Variants in DEFB107B observed in about 807,000 individuals in gnomAD.
The protein encoded by DEFB107B is defensin beta 107B.
At chr8:7,497,388 A>G (rs1234552217) in intron 1 of DEFB107B, among the ~76,000 whole-genome samples, 2 of 152,216 alleles carry the variant, frequency 1.3e-5, no homozygotes, top group Admixed American at 1.3e-4. Context: ...CACAAGTGCC[A>G]TAAAAGATGC....
chr8:7,497,920 G>A lies in DEFB107B; in HGVS notation c.70+1917G>A, dbSNP rs1259560332. 1.8e-4 allele frequency among the ~76,000 whole-genome samples: 4 copies of A among 22,550 alleles called. 2 individuals are homozygous for A. The highest frequency in any genetic ancestry group is 3.2e-4 in the African/African-American group (4 of 12,580). The allele number at this position is 22,550 out of a possible 152,430, so 14.8% of individuals were successfully genotyped here. A position where few individuals can be genotyped will look rare whatever the true frequency, so the allele number is the denominator to read the frequency against. ...ACCCACCTGTGGGTGTTTCTCGTAA[G>A]GTGGGACGAGAGATTTGGAAAAGAA... On this transcript the variant is annotated intron_variant, in intron 1 of 1. Coordinates refer to ENST00000355602, the MANE Select transcript of DEFB107B (RefSeq NM_001040705.2).
chr8:7,495,912 T>G lies in DEFB107B; in HGVS notation c.-22T>G, dbSNP rs1417739415. On this transcript the variant is annotated 5_prime_UTR_variant, in exon 1 of 2. Transcript: ENST00000355602. ...AAGAGCTTGATTCCAGCTACTGCACTTCCTTCATCAGCTCTCCACTGATGC... is the reference window on the plus strand; with the variant it reads ...AAGAGCTTGATTCCAGCTACTGCACGTCCTTCATCAGCTCTCCACTGATGC... The G allele has an allele frequency of 8.4e-6, 1 of 119,456 alleles. No individual in the cohort carries two copies. The highest frequency in any genetic ancestry group is 1.9e-4 in the Admixed American group (1 of 5,348). The allele number at this position is 119,456 out of a possible 1,614,324, so 7.4% of individuals were successfully genotyped here.
rs1418320483 is a variant in DEFB107B, at chr8:7,498,111, G to C, written c.70+2108G>C. Among the ~76,000 whole-genome samples the C allele has an allele frequency of 3.3e-4, 6 of 17,998 alleles. 3 individuals are homozygous for C. The East Asian group carries it at 0.023, about 68-fold the overall frequency. 11.8% of individuals were successfully genotyped at this position (17,998 alleles called of 152,430 possible). On this transcript the variant is annotated intron_variant, in intron 1 of 1. Transcript: ENST00000355602. ...GTCAGGGTCACAAGACAATTGTGGGGAGAGGGTCAGCAGACAAACACGTGA... is the reference window on the plus strand; with the variant it reads ...GTCAGGGTCACAAGACAATTGTGGGCAGAGGGTCAGCAGACAAACACGTGA...
At chr8:7,507,866 C>T (rs1811977049) in intron 1 of DEFB107B, among the ~76,000 whole-genome samples, 1 of 146,196 alleles carries the variant, frequency 6.8e-6, no homozygotes, top group Non-Finnish European at 1.5e-5. Context: ...ATGTGTCCAG[C>T]TAAACCCAGA....
chr8:7,504,627 TC>T (rs1811923017), intron 1 of DEFB107B, among the ~76,000 whole-genome samples: 1 of 976 alleles, frequency 1.0e-3, no homozygotes, highest in African/African-American at 1.4e-3. Context: ...TAACTTGTCC[TC>T]CTAAAACAAC....
intron 1 of DEFB107B, among the ~76,000 whole-genome samples, chr8:7,507,900 G>A (rs1171481512): frequency 6.8e-6 from 1 of 146,668 alleles, no homozygotes; most frequent in Non-Finnish European, 1.5e-5. Flanking sequence ...AAAGTCTGAA[G>A]GTAAAACTGA....
chr8:7,503,705 C>T (rs1317618756), intron 1 of DEFB107B, among the ~76,000 whole-genome samples: 1 of 22,620 alleles, frequency 4.4e-5, no homozygotes, highest in African/African-American at 7.8e-5. Flanking sequence ...GTAAAATCTC[C>T]ATACTTTGAT....
rs1482859715 is a variant in DEFB107B, at chr8:7,509,202, C to CA, written c.197dup (p.Asn66LysfsTer18). On this transcript the variant is annotated frameshift_variant, in exon 2 of 2. Transcript: ENST00000355602. LOFTEE classifies it high-confidence loss of function. Reference sequence around the variant, plus strand: ...GAGCTGAATTAGCACCATTTTGCTGCAAAAACAGAAAGAAACATTAAAAAC... The same window carrying CA: ...GAGCTGAATTAGCACCATTTTGCTGCAAAAAACAGAAAGAAACATTAAAAAC... 1 of 409,434 alleles carries CA rather than the reference C, an allele frequency of 2.4e-6. No homozygotes were observed. Among genetic ancestry groups the CA allele is most frequent in the African/African-American group, 6.9e-5 (1 of 14,556 alleles). The allele number at this position is 409,434 out of a possible 1,614,324, so 25.4% of individuals were successfully genotyped here.
chr8:7,508,081 ATATG>A (rs1387859922), intron 1 of DEFB107B, among the ~76,000 whole-genome samples: 2 of 43,006 alleles, frequency 4.7e-5, no homozygotes, highest in South Asian at 8.8e-4. Context: ...ATATATATAT[ATATG>A]TGTGTGTGTG....
intron 1 of DEFB107B, among the ~76,000 whole-genome samples, chr8:7,507,846 C>A (rs1489411716): frequency 2.8e-5 from 4 of 145,432 alleles, no homozygotes. Context: ...ATGTGATTAG[C>A]TAAGTATTCA....
At chr8:7,497,251 C>A (rs1181882052) in intron 1 of DEFB107B, among the ~76,000 whole-genome samples, 36 of 151,874 alleles carry the variant, frequency 2.4e-4, no homozygotes, top group African/African-American at 8.5e-4. Context: ...TTAGTCTATT[C>A]CTTCTATGTT....
rs1483420278 is a variant in DEFB107B, at chr8:7,507,135, C to A, written c.71-1946C>A. Among the ~76,000 whole-genome samples, 5 of 13,758 alleles carry A rather than the reference C, an allele frequency of 3.6e-4. 2 individuals are homozygous for A. Among genetic ancestry groups the A allele is most frequent in the African/African-American group, 7.3e-4 (5 of 6,840 alleles). The allele number at this position is 13,758 out of a possible 152,430, so 9.0% of individuals were successfully genotyped here. ...ATGCTGCCTTCAAGCATCTGTTTAA[C>A]AAAGCACATCCTGCACCGCCCTTAA... On this transcript the variant is annotated intron_variant, in intron 1 of 1. Transcript: ENST00000355602.
intron 1 of DEFB107B, among the ~76,000 whole-genome samples, chr8:7,497,219 G>A (rs1811788060): frequency 6.6e-6 from 1 of 151,648 alleles, no homozygotes. Flanking sequence ...CATGGACATT[G>A]ACCTTAATTT....
At chr8:7,496,396 T>G (rs1585539830) in intron 1 of DEFB107B, among the ~76,000 whole-genome samples, 1 of 127,860 alleles carries the variant, frequency 7.8e-6, no homozygotes, top group Admixed American at 9.0e-5. Context: ...GCCTCCCAGG[T>G]TCATGCCATT....
intron 1 of DEFB107B, among the ~76,000 whole-genome samples, chr8:7,502,456 T>C (rs373463062): frequency 7.3e-4 from 16 of 22,014 alleles, no homozygotes; most frequent in East Asian, 6.0e-3. Context: ...AATCAAAAGT[T>C]GGAGTGGGGC....
chr8:7,496,414 C>T (rs1811738822), intron 1 of DEFB107B, among the ~76,000 whole-genome samples: 1 of 143,178 alleles, frequency 7.0e-6, no homozygotes, highest in Non-Finnish European at 1.5e-5. Context: ...ATTCTCCTGC[C>T]TCAGCCTCCC....
intron 1 of DEFB107B, among the ~76,000 whole-genome samples, chr8:7,496,883 TATTCTCTTAAGTCTTTGCGTCTTTGAG>T (rs1811770084): frequency 9.6e-6 from 1 of 104,534 alleles, no homozygotes; most frequent in African/African-American, 3.9e-5. Context: ...TCTTGCTTAC[TATTCTCTTAAGTCTTTGCGTCTTTGAG>T]ATTCTCTTTG....
chr8:7,507,504 C>CTTGT lies in DEFB107B; in HGVS notation c.71-1575_71-1572dup, dbSNP rs568770217. On this transcript the variant is annotated intron_variant, in intron 1 of 1. Transcript: ENST00000355602. ...ACTTGTTATATTAATTAGAAACTAA[C>CTTGT]TTGTTATAATAAAGAATCTTAATGA... 5.8e-3 allele frequency among the ~76,000 whole-genome samples: 498 copies of CTTGT among 85,854 alleles called. 1 individual carries two copies. The highest frequency in any genetic ancestry group is 9.8e-3 in the Non-Finnish European group (429 of 43,852). 56.3% of individuals were successfully genotyped at this position (85,854 alleles called of 152,430 possible). A position where few individuals can be genotyped will look rare whatever the true frequency, so the allele number is the denominator to read the frequency against.
intron 1 of DEFB107B, among the ~76,000 whole-genome samples, chr8:7,497,367 G>C (rs1414093304): frequency 3.3e-5 from 5 of 152,240 alleles, no homozygotes; most frequent in African/African-American, 1.2e-4. Flanking sequence ...ACTTTAATAT[G>C]AAACAGTTTT....
Sources: allele counts gnomAD v4.1 joint callset (sites outside exome capture counted in the v4.1 genomes callset), GRCh38; gene constraint gnomAD v4.1.1; transcripts MANE v1.5; gene names NCBI Gene and HGNC (gene_info 2026-07-23, HGNC 2026-07-21).